IGBP1C: variants seen among roughly 807,000 people sequenced by gnomAD.
IGBP1C encodes immunoglobulin-binding protein 1 family member C.
chr17:58,668,471 T>A, the IGBP1C span, among the ~76,000 whole-genome samples: 1 of 152,220 alleles, frequency 6.6e-6, no homozygotes, highest in Non-Finnish European at 1.5e-5. Context: ...GACTGTCTAC[T>A]GAATCATCTT....
the IGBP1C span, among the ~76,000 whole-genome samples, chr17:58,690,772 C>T: frequency 1.1e-4 from 17 of 152,244 alleles, no homozygotes; most frequent in East Asian, 2.7e-3. Flanking sequence ...AAATGCTTCT[C>T]GTATTCTCCC....
At chr17:58,675,300 G>T in the IGBP1C span, 1 of 152,896 alleles carries the variant, frequency 6.5e-6, no homozygotes, top group South Asian at 1.9e-4. Flanking sequence ...GCTATGGGTG[G>T]GCAAACTAGT....
chr17:58,688,274 C>A, the IGBP1C span, among the ~76,000 whole-genome samples: 1 of 151,976 alleles, frequency 6.6e-6, no homozygotes, highest in Non-Finnish European at 1.5e-5. Flanking sequence ...GTACCCTCCA[C>A]CACCCCCAGT....
At chr17:58,683,400 G>C in the IGBP1C span, among the ~76,000 whole-genome samples, 1 of 150,530 alleles carries the variant, frequency 6.6e-6, no homozygotes, top group South Asian at 2.1e-4. Flanking sequence ...GGAAATATAT[G>C]TTTGTTAAAT....
the IGBP1C span, among the ~76,000 whole-genome samples, chr17:58,678,438 A>G: frequency 6.6e-6 from 1 of 152,198 alleles, no homozygotes; most frequent in Non-Finnish European, 1.5e-5. Context: ...ATGTCCATCA[A>G]TGATAGAATG....
chr17:58,674,556 G>C, the IGBP1C span, among the ~76,000 whole-genome samples: 8 of 151,418 alleles, frequency 5.3e-5, no homozygotes, highest in African/African-American at 1.9e-4. Flanking sequence ...TGTAATCCCA[G>C]CTACTCGAGA....
chr17:58,687,442 G>A, the IGBP1C span, among the ~76,000 whole-genome samples: 7 of 151,940 alleles, frequency 4.6e-5, no homozygotes, highest in Non-Finnish European at 1.0e-4. Flanking sequence ...AGGTCCGTGC[G>A]GGTTACAGAG....
chr17:58,679,456 G>T, the IGBP1C span: 1 of 152,076 alleles, frequency 6.6e-6, no homozygotes, highest in African/African-American at 2.4e-5. Flanking sequence ...CAAAACAGGA[G>T]GTTACAATAT....
At chr17:58,689,105 T>C in the IGBP1C span, among the ~76,000 whole-genome samples, 4 of 151,836 alleles carry the variant, frequency 2.6e-5, no homozygotes, top group Non-Finnish European at 5.9e-5. Flanking sequence ...TAATTTTTTG[T>C]ATTTTTAGTA....
At chr17:58,660,477 G>C in the IGBP1C span, 1 of 624,570 alleles carries the variant, frequency 1.6e-6, no homozygotes, top group East Asian at 2.6e-5. Flanking sequence ...CTTTGCCTTC[G>C]TTTTACACAG....
At chr17:58,682,841 T>C in the IGBP1C span, among the ~76,000 whole-genome samples, 2 of 151,842 alleles carry the variant, frequency 1.3e-5, no homozygotes, top group African/African-American at 4.8e-5. Flanking sequence ...TCTAAGCAAG[T>C]TAAGAAAAAT....
chr17:58,672,657 C>A, the IGBP1C span, among the ~76,000 whole-genome samples: 7 of 152,126 alleles, frequency 4.6e-5, no homozygotes, highest in African/African-American at 1.4e-4. Flanking sequence ...GTTGGCCAGG[C>A]TGGCCTCGAA....
the IGBP1C span, among the ~76,000 whole-genome samples, chr17:58,668,292 A>G: frequency 6.6e-6 from 1 of 152,212 alleles, no homozygotes; most frequent in East Asian, 1.9e-4. Context: ...ACCCCATTGC[A>G]GCGGTCTCTA....
At chr17:58,663,288 G>A in the IGBP1C span, among the ~76,000 whole-genome samples, 4 of 151,162 alleles carry the variant, frequency 2.6e-5, no homozygotes, top group Admixed American at 6.6e-5. Flanking sequence ...CGGTTGTGGC[G>A]GTGCATGCCT....
chr17:58,690,160 T>A, the IGBP1C span, among the ~76,000 whole-genome samples: 2 of 150,778 alleles, frequency 1.3e-5, no homozygotes, highest in Non-Finnish European at 3.0e-5. Context: ...TTTTTGTTTT[T>A]TTTATTTTGC....
At chr17:58,679,696 C>G in the IGBP1C span, 1 of 152,098 alleles carries the variant, frequency 6.6e-6, no homozygotes, top group Non-Finnish European at 1.5e-5. Flanking sequence ...AGTATGAGTC[C>G]CCAGCGCTGC....
the IGBP1C span, chr17:58,661,563 G>A: frequency 5.4e-6 from 4 of 740,070 alleles, no homozygotes; most frequent in South Asian, 5.8e-5. Context: ...TCGGGGAGCC[G>A]CGGCGGCGGC....
chr17:58,663,278 C>T, the IGBP1C span, among the ~76,000 whole-genome samples: 1 of 151,076 alleles, frequency 6.6e-6, no homozygotes, highest in Non-Finnish European at 1.5e-5. Context: ...CAAAATTAGC[C>T]GGTTGTGGCG....
the IGBP1C span, among the ~76,000 whole-genome samples, chr17:58,683,373 C>G: frequency 6.8e-6 from 1 of 148,092 alleles, no homozygotes; most frequent in Admixed American, 6.8e-5. Flanking sequence ...ACTCCATCCC[C>G]CCCCCCAAAA....
Sources: gnomAD v4.1 joint callset for allele counts (sites outside exome capture counted in the v4.1 genomes callset) on GRCh38, gnomAD v4.1.1 for gene constraint, MANE v1.5 for transcripts, NCBI Gene and HGNC (gene_info 2026-07-23, HGNC 2026-07-21) for gene names.